Variants in NKAIN3 observed in about 807,000 individuals in gnomAD.
NKAIN3 encodes the protein sodium/potassium-transporting ATPase subunit beta-1-interacting protein 3.
In NKAIN3, 25 loss-of-function variants were observed where a neutral mutation model predicts 30.2. The observed-to-expected ratio is 0.83, with a 90% CI of 0.60 to 1.16. NKAIN3 has a LOEUF of 1.16. Ranked by LOEUF, NKAIN3 falls within the 50% of genes most tolerant of loss-of-function variation. The pLI is 0.00. For missense variants in NKAIN3, 225 were observed against 254.1 expected (o/e 0.89, Z 0.78); for synonymous variants, 91 against 89.6 (o/e 1.02, Z -0.09).
intron 1 of NKAIN3, among the ~76,000 whole-genome samples, chr8:62,293,289 T>A (rs745807480): frequency 2.0e-5 from 3 of 152,254 alleles, no homozygotes; most frequent in Non-Finnish European, 4.4e-5. Context: ...AGGAGCTGCG[T>A]TCCTTTGGAG....
intron 3 of NKAIN3, among the ~76,000 whole-genome samples, chr8:62,623,555 G>T (rs995238472): frequency 2.6e-5 from 4 of 151,984 alleles, no homozygotes; most frequent in African/African-American, 9.7e-5. Context: ...AAAAATAAAA[G>T]TTTTGTTTTA....
chr8:62,568,792 C>G (rs1269043535), intron 1 of NKAIN3, among the ~76,000 whole-genome samples: 2 of 152,142 alleles, frequency 1.3e-5, no homozygotes, highest in Non-Finnish European at 2.9e-5. Flanking sequence ...ATCCCCATTT[C>G]ACTTCTTGAG....
chr8:62,332,683 A>T, intron 1 of NKAIN3, among the ~76,000 whole-genome samples: 1 of 152,090 alleles, frequency 6.6e-6, no homozygotes. Context: ...AACTGACAAA[A>T]TTCTGTTCTC....
At chr8:62,830,716 G>C (rs903300194) in intron 4 of NKAIN3, among the ~76,000 whole-genome samples, 1 of 152,126 alleles carries the variant, frequency 6.6e-6, no homozygotes, top group African/African-American at 2.4e-5. Context: ...AGAGACTGTG[G>C]TGCAACAGGG....
chr8:62,866,386 C>G (rs1274124186), intron 4 of NKAIN3, among the ~76,000 whole-genome samples: 1 of 152,162 alleles, frequency 6.6e-6, no homozygotes, highest in Non-Finnish European at 1.5e-5. Flanking sequence ...TTATGTGTGG[C>G]TACAACAAAT....
At chr8:62,763,974 C>A (rs990460651) in intron 4 of NKAIN3, among the ~76,000 whole-genome samples, 1 of 152,148 alleles carries the variant, frequency 6.6e-6, no homozygotes, top group Non-Finnish European at 1.5e-5. Context: ...GAGGTTCGGG[C>A]TGACATCTCT....
chr8:62,603,919 A>G (rs781089054), intron 3 of NKAIN3, among the ~76,000 whole-genome samples: 1 of 152,104 alleles, frequency 6.6e-6, no homozygotes, highest in Non-Finnish European at 1.5e-5. Flanking sequence ...GAAAGAGAGA[A>G]AGGTTTTGTT....
At chr8:62,336,242 A>G (rs1418384254) in intron 1 of NKAIN3, among the ~76,000 whole-genome samples, 2 of 151,860 alleles carry the variant, frequency 1.3e-5, no homozygotes, top group African/African-American at 4.8e-5. Flanking sequence ...GAAACAGAAA[A>G]TTTCTTCTTT....
intron 4 of NKAIN3, among the ~76,000 whole-genome samples, chr8:62,780,128 A>G (rs1445437391): frequency 6.6e-6 from 1 of 152,152 alleles, no homozygotes; most frequent in Non-Finnish European, 1.5e-5. Context: ...GACACCAGAG[A>G]AATATAAATG....
chr8:62,960,533 A>T (rs1007590651), intron 6 of NKAIN3, among the ~76,000 whole-genome samples: 1 of 152,058 alleles, frequency 6.6e-6, no homozygotes, highest in Admixed American at 6.6e-5. Context: ...TCAACAACAT[A>T]AAAAAAGTCA....
chr8:62,947,797 A>G (rs1035901495), intron 5 of NKAIN3, among the ~76,000 whole-genome samples: 1 of 152,222 alleles, frequency 6.6e-6, no homozygotes, highest in African/African-American at 2.4e-5. Context: ...AGCCCCAGCT[A>G]AGCAAACAGC....
At chr8:62,610,759 G>T (rs896837069) in intron 3 of NKAIN3, among the ~76,000 whole-genome samples, 3 of 151,812 alleles carry the variant, frequency 2.0e-5, no homozygotes, top group African/African-American at 7.3e-5. Context: ...TTCCTACTTT[G>T]TTGCATCATA....
At chr8:62,480,167 C>A (rs1169838976) in intron 1 of NKAIN3, among the ~76,000 whole-genome samples, 1 of 152,138 alleles carries the variant, frequency 6.6e-6, no homozygotes, top group African/African-American at 2.4e-5. Flanking sequence ...TTCCCCATCT[C>A]CCAGACCCTA....
At chr8:62,691,666 T>C (rs1813971633) in intron 3 of NKAIN3, among the ~76,000 whole-genome samples, 1 of 152,318 alleles carries the variant, frequency 6.6e-6, no homozygotes, top group South Asian at 2.1e-4. Context: ...TGTCTTCCTC[T>C]GTCACCTCAT....
At chr8:62,306,418 A>T (rs997178193) in intron 1 of NKAIN3, among the ~76,000 whole-genome samples, 1 of 150,316 alleles carries the variant, frequency 6.7e-6, no homozygotes, top group Admixed American at 6.6e-5. Context: ...TGCAATAATT[A>T]TAAGGAGGGC....
At chr8:62,256,368 A>G (rs550313451) in intron 1 of NKAIN3, among the ~76,000 whole-genome samples, 1 of 152,324 alleles carries the variant, frequency 6.6e-6, no homozygotes, top group African/African-American at 2.4e-5. Context: ...GCAATGAGCT[A>G]TGATCATGCC....
In NKAIN3 at chr8:62,595,603, C is replaced by A. The variant is rs146661709; in HGVS notation, c.273+5809C>A. The stretch of plus-strand genomic sequence containing the variant: ...TTTGCCTAATTAGCATTTTAGTGAG[C>A]TCTCTGATTGGTCGGGTGTGAGCTA... On this transcript the variant is annotated intron_variant, in intron 3 of 6. Transcript: ENST00000623646. Among the ~76,000 whole-genome samples the A allele has an allele frequency of 8.0e-3, 1,222 of 152,004 alleles. 19 individuals are homozygous for A. Among genetic ancestry groups the A allele is most frequent in the Admixed American group, 0.027 (412 of 15,246 alleles).
At chr8:62,576,120 A>C (rs1585967283) in intron 1 of NKAIN3, among the ~76,000 whole-genome samples, 1 of 152,056 alleles carries the variant, frequency 6.6e-6, no homozygotes, top group South Asian at 2.1e-4. Flanking sequence ...AAATGGGATC[A>C]CATCGAGTTA....
In NKAIN3 at chr8:62,970,958, A is replaced by C. The variant is rs933640540; in HGVS notation, c.*5551A>C. Among the ~76,000 whole-genome samples, 12 of 152,202 alleles carry C rather than the reference A, an allele frequency of 7.9e-5. No homozygotes were observed. Among genetic ancestry groups the C allele is most frequent in the African/African-American group, 2.9e-4 (12 of 41,448 alleles). On this transcript the variant is annotated 3_prime_UTR_variant, in exon 7 of 7. Coordinates refer to ENST00000623646, the MANE Select transcript of NKAIN3 (RefSeq NM_001304533.3). ...TACCTACAAGTAACAGAAAAAGAAA[A>C]ATGACAATGGATTAAATAACATAGA...
Sources: allele counts gnomAD v4.1 joint callset (sites outside exome capture counted in the v4.1 genomes callset), GRCh38; gene constraint gnomAD v4.1.1; transcripts MANE v1.5; gene names NCBI Gene and HGNC (gene_info 2026-07-23, HGNC 2026-07-21).